Variants in H2AZ2 observed in about 807,000 individuals in gnomAD.
H2AZ2 encodes histone H2A.V.
H2AZ2 carries 5 observed loss-of-function variants against 15.5 expected under a neutral mutation model. The observed-to-expected ratio is 0.32, with a 90% CI of 0.17 to 0.68. The LOEUF (loss-of-function observed/expected upper bound fraction) is 0.68. Among genes scored for constraint, H2AZ2 ranks in the 30% least tolerant of loss-of-function variants. The probability of loss-of-function intolerance (pLI) is 0.72; values close to 1 mark genes in which losing one functional copy is unlikely to be tolerated. For missense variants in H2AZ2, 42 were observed against 162.5 expected (o/e 0.26, Z 4.03); for synonymous variants, 44 against 57.4 (o/e 0.77, Z 1.05).
chr7:44,846,811 T>C, intron 1 of H2AZ2, among the ~76,000 whole-genome samples: 1 of 152,172 alleles, frequency 6.6e-6, no homozygotes. Flanking sequence ...TGGAAGCAAT[T>C]ATCCCTAAAG....
At chr7:44,843,463 G>GA in intron 1 of H2AZ2, 109 bp from the exon 2 acceptor site, 1 of 662,248 alleles carries the variant, frequency 1.5e-6, no homozygotes, top group Non-Finnish European at 2.7e-6. Flanking sequence ...TTAACAATAT[G>GA]TAGGTGATCC....
chr7:44,840,306 C>T (rs1274086296), intron 3 of H2AZ2, among the ~76,000 whole-genome samples: 1 of 152,152 alleles, frequency 6.6e-6, no homozygotes, highest in African/African-American at 2.4e-5. Flanking sequence ...TAGTCTGGAA[C>T]TCCAGGACTC....
chr7:44,846,056 C>CAGAGAGAGAGAGAG, intron 1 of H2AZ2, among the ~76,000 whole-genome samples: 2 of 91,718 alleles, frequency 2.2e-5, no homozygotes, highest in Non-Finnish European at 5.5e-5. Flanking sequence ...CACACACACA[C>CAGAGAGAGAGAGAG]ACACACAGAG....
intron 1 of H2AZ2, 144 bp downstream of exon 1, chr7:44,847,825 C>T: frequency 2.6e-6 from 3 of 1,152,614 alleles, no homozygotes; most frequent in Non-Finnish European, 3.5e-6. Context: ...GACATGGCGC[C>T]CCCCGGCGGG....
intron 3 of H2AZ2, among the ~76,000 whole-genome samples, chr7:44,837,081 A>C (rs1020677839): frequency 2.0e-5 from 3 of 151,922 alleles, no homozygotes; most frequent in African/African-American, 7.2e-5. Flanking sequence ...GGCTGGTCTC[A>C]AATTCCTGAC....
downstream of H2AZ2, among the ~76,000 whole-genome samples, chr7:44,831,498 A>G (rs1021853707): frequency 1.3e-5 from 2 of 152,112 alleles, no homozygotes; most frequent in African/African-American, 4.8e-5. Context: ...CAAGTGATTC[A>G]GCCAAAGGAA....
chr7:44,840,273 G>A lies in H2AZ2; in HGVS notation c.195+626C>T, dbSNP rs528916371. On this transcript the variant is annotated intron_variant, in intron 3 of 4. Transcript: ENST00000308153. ...TTAAAAATTTTTTTACTTTGAGATA[G>A]GGTCTTGCTCTGTCACCCAGCCTAG... 5.9e-5 allele frequency among the ~76,000 whole-genome samples: 9 copies of A among 152,222 alleles called. No individual in the cohort carries two copies. In the South Asian group the frequency reaches 1.2e-3, roughly 21 times the overall value.
downstream of H2AZ2, among the ~76,000 whole-genome samples, chr7:44,831,896 T>G (rs1288587016): frequency 2.0e-5 from 3 of 152,154 alleles, no homozygotes; most frequent in East Asian, 5.8e-4. Context: ...TGAGAGCCAT[T>G]ATGTGCCATG....
At chr7:44,827,018 T>C (rs959324806), downstream of H2AZ2, 1 of 152,200 alleles carries the variant, frequency 6.6e-6, no homozygotes, top group East Asian at 1.9e-4. Flanking sequence ...ACAAATCAAC[T>C]AGCTTGCTTT....
chr7:44,842,619 CA>C (rs1391212910), intron 2 of H2AZ2, among the ~76,000 whole-genome samples: 6 of 152,190 alleles, frequency 3.9e-5, no homozygotes, highest in African/African-American at 1.4e-4. Flanking sequence ...TAAACCACTG[CA>C]AAAACCTCCA....
chr7:44,842,505 C>T (rs3801403), intron 2 of H2AZ2, among the ~76,000 whole-genome samples: 102,453 of 152,030 alleles, frequency 0.67, 37,696 homozygotes, highest in Non-Finnish European at 0.84. Flanking sequence ...AGGTTCTAAG[C>T]CTTAGAGAAA....
chr7:44,837,824 A>T (rs1227381538), intron 3 of H2AZ2, among the ~76,000 whole-genome samples: 2 of 52,628 alleles, frequency 3.8e-5, no homozygotes, highest in East Asian at 3.1e-4. Flanking sequence ...CCAAAGATTT[A>T]AAAAAAAGGG....
intron 3 of H2AZ2, among the ~76,000 whole-genome samples, chr7:44,837,188 C>A (rs1204802166): frequency 1.3e-5 from 2 of 151,830 alleles, no homozygotes; most frequent in Non-Finnish European, 2.9e-5. Flanking sequence ...AGACGTGAAC[C>A]ACTACGCCAG....
chr7:44,847,520 C>A (rs922104267), intron 1 of H2AZ2, among the ~76,000 whole-genome samples: 3 of 152,220 alleles, frequency 2.0e-5, no homozygotes, highest in African/African-American at 7.2e-5. Context: ...CACCCTTTCG[C>A]AGAAACCCTC....
At chr7:44,830,125 T>C (rs548718869), downstream of H2AZ2, 44 of 1,613,400 alleles carry the variant, frequency 2.7e-5, no homozygotes, top group Admixed American at 1.0e-4. Flanking sequence ...CGTCACCTAA[T>C]ACAATGGCAT....
chr7:44,834,049 A>T lies in H2AZ2; in HGVS notation c.*452T>A. On this transcript the variant is annotated 3_prime_UTR_variant, in exon 5 of 5. Coordinates refer to ENST00000308153, the MANE Select transcript of H2AZ2 (RefSeq NM_012412.5). ...GTTTTTTCCTTAGTCGTTTGTAAAA[A>T]ATGGTGCTACAGATCAATAGCATCT... 1.7e-6 allele frequency: 1 copy of T among 577,536 alleles called. No individual in the cohort carries two copies. Among genetic ancestry groups the T allele is most frequent in the Non-Finnish European group, 2.2e-6 (1 of 457,790 alleles). 35.8% of individuals were successfully genotyped at this position (577,536 alleles called of 1,614,324 possible).
At chr7:44,838,157 T>C (rs2117032424) in intron 3 of H2AZ2, among the ~76,000 whole-genome samples, 1 of 151,764 alleles carries the variant, frequency 6.6e-6, no homozygotes, top group African/African-American at 2.4e-5. Context: ...GTATCTTTAG[T>C]AGAGATAGGG....
rs1301846318 is a variant in H2AZ2, at chr7:44,840,879, A to G, written c.195+20T>C. 1.9e-6 allele frequency: 3 copies of G among 1,567,038 alleles called. No individual in the cohort carries two copies. The highest frequency in any genetic ancestry group is 2.6e-6 in the Non-Finnish European group (3 of 1,138,386). On this transcript the variant is annotated intron_variant, in intron 3 of 4. Transcript: ENST00000308153. Reference sequence around the variant, plus strand: ...TGCACCTTCTGGATGGCCATATACAACAGACATTCCTGTACAAACCTCTGC... The same window carrying G: ...TGCACCTTCTGGATGGCCATATACAGCAGACATTCCTGTACAAACCTCTGC...
chr7:44,833,808 TC>T lies in H2AZ2; in HGVS notation c.*692del. 1 of 530,706 alleles carries T rather than the reference TC, an allele frequency of 1.9e-6. No individual in the cohort carries two copies. The highest frequency in any genetic ancestry group is 2.4e-6 in the Non-Finnish European group (1 of 414,388). The allele number at this position is 530,706 out of a possible 1,614,324, so 32.9% of individuals were successfully genotyped here. On this transcript the variant is annotated 3_prime_UTR_variant, in exon 5 of 5. Coordinates refer to ENST00000308153, the MANE Select transcript of H2AZ2 (RefSeq NM_012412.5). ...ATGTTTTTTGGCATAGCACACAATT[TC>T]TGTGACCCTTAGGCTCCACATCTAT...
Sources: allele counts gnomAD v4.1 joint callset (sites outside exome capture counted in the v4.1 genomes callset), GRCh38; gene constraint gnomAD v4.1.1; transcripts MANE v1.5; gene names NCBI Gene and HGNC (gene_info 2026-07-23, HGNC 2026-07-21).